Variants in AGBL3 observed in about 807,000 individuals in gnomAD.
AGBL3 encodes the protein AGBL carboxypeptidase 3, also known as cytosolic carboxypeptidase 3.
Under a neutral mutation model 94.5 loss-of-function variants are expected in AGBL3, and 68 were observed. The ratio of observed to expected loss-of-function variants is 0.72; its 90% CI spans 0.59 to 0.88. AGBL3 has a LOEUF of 0.88. Ranked by LOEUF, AGBL3 falls within the 40% of genes least tolerant of loss-of-function variation. AGBL3 has a pLI of 0.00. For missense variants in AGBL3, 934 were observed against 1,103.8 expected (o/e 0.85, Z 2.18); for synonymous variants, 354 against 370.7 (o/e 0.95, Z 0.52).
intron 16 of AGBL3, among the ~76,000 whole-genome samples, chr7:135,126,483 A>AACACTTTTCCCATCAAACT (rs1393120482): frequency 5.3e-5 from 8 of 152,354 alleles, no homozygotes; most frequent in Admixed American, 5.2e-4. Context: ...TTATAGATTC[A>AACACTTTTCCCATCAAACT]ACACTTTTCC....
chr7:135,030,728 TCCC>T (rs1815649491), intron 5 of AGBL3, among the ~76,000 whole-genome samples: 1 of 152,158 alleles, frequency 6.6e-6, no homozygotes, highest in Non-Finnish European at 1.5e-5. Context: ...TCTAGATACG[TCCC>T]CCCATGTCAC....
At chr7:135,089,068 CT>C (rs34089787) in intron 15 of AGBL3, among the ~76,000 whole-genome samples, 72,984 of 148,100 alleles carry the variant, frequency 0.49, 18,147 homozygotes, top group South Asian at 0.66. Context: ...GTTTTTCATT[CT>C]TTTTTTTTTT....
chr7:135,062,566 C>G (rs1205590101), intron 12 of AGBL3, among the ~76,000 whole-genome samples: 1 of 151,922 alleles, frequency 6.6e-6, no homozygotes, highest in African/African-American at 2.4e-5. Context: ...CATTTTTTAT[C>G]ATGAAAGGAT....
chr7:135,048,692 T>A (rs553375911), intron 11 of AGBL3, among the ~76,000 whole-genome samples: 1 of 151,768 alleles, frequency 6.6e-6, no homozygotes, highest in Non-Finnish European at 1.5e-5. Context: ...ACACAATGGA[T>A]TTTTGTATGC....
chr7:135,004,452 A>G (rs1448702675), intron 4 of AGBL3, among the ~76,000 whole-genome samples: 1 of 151,686 alleles, frequency 6.6e-6, no homozygotes, highest in African/African-American at 2.4e-5. Flanking sequence ...TCTTTGCTTT[A>G]GAGCAGTTTC....
chr7:135,013,699 A>G (rs1348902976), intron 4 of AGBL3, among the ~76,000 whole-genome samples: 2 of 151,776 alleles, frequency 1.3e-5, no homozygotes, highest in Non-Finnish European at 2.9e-5. Flanking sequence ...ACATTTTACA[A>G]TGGTAAGCCT....
rs141169723 is a variant in AGBL3 at position 135,004,732 on chromosome 7, T to C, written c.310+11054T>C. Among the ~76,000 whole-genome samples, 6 of 151,676 alleles carry C rather than the reference T, an allele frequency of 4.0e-5. No individual in the cohort carries two copies. The East Asian group carries it at 1.2e-3, about 29-fold the overall frequency. ...TAATTGCTAAAATTTCCTTTAAAGA[T>C]AGGAGATTTTTTTCCTTTGTCCTAA... On this transcript the variant is annotated intron_variant, in intron 4 of 16. Transcript: ENST00000436302.
At position 135,115,453 on chromosome 7, in the gene AGBL3, G is replaced by T; in HGVS notation, c.2184G>T (p.Trp728Cys). 1 of 1,551,270 alleles carries T rather than the reference G, an allele frequency of 6.4e-7. No homozygotes were observed. The highest frequency in any genetic ancestry group is 8.7e-7 in the Non-Finnish European group (1 of 1,146,736). ...AAAGCAAGAAGACTGGCATAAATTGGACAGATGATGAAAAAAGAAGCTACA... is the reference window on the plus strand; with the variant it reads ...AAAGCAAGAAGACTGGCATAAATTGTACAGATGATGAAAAAAGAAGCTACA... ...SFQSKKTGIN[W>C]TDDEKRSYKD... is the part of the protein sequence containing the mutation. The change falls in exon 16 of 17, where the codon TGG becomes TGT. Residue 728 changes from tryptophan to cysteine, a missense_variant. By Grantham distance (215) the Trp-to-Cys change is radical. Transcript: ENST00000436302.
At position 135,084,105 on chromosome 7, in the gene AGBL3, T is replaced by C. The variant is rs570227256; in HGVS notation, c.2110+2315T>C. ...TTACTCAAAATTTTTTCCTTTATTA[T>C]TTTTAATTGACATAATAATTGTACC... On this transcript the variant is annotated intron_variant, in intron 15 of 16. Coordinates refer to ENST00000436302, the MANE Select transcript of AGBL3 (RefSeq NM_178563.4). Among the ~76,000 whole-genome samples the C allele has an allele frequency of 2.6e-5, 4 of 152,236 alleles. No homozygotes were observed. The South Asian group carries it at 6.2e-4, about 24-fold the overall frequency.
intron 15 of AGBL3, among the ~76,000 whole-genome samples, chr7:135,086,013 A>C (rs1163953343): frequency 6.6e-6 from 1 of 151,922 alleles, no homozygotes; most frequent in East Asian, 1.9e-4. Context: ...AATTTTTTTC[A>C]TCAGTGTTGT....
chr7:135,071,033 G>C (rs7777249), intron 12 of AGBL3, among the ~76,000 whole-genome samples: 73,653 of 151,882 alleles, frequency 0.48, 18,222 homozygotes, highest in South Asian at 0.66. Flanking sequence ...CAAAGTCTCA[G>C]GATACAAAAT....
chr7:135,075,858 T>C (rs1358784702), intron 12 of AGBL3, among the ~76,000 whole-genome samples: 1 of 152,196 alleles, frequency 6.6e-6, no homozygotes, highest in African/African-American at 2.4e-5. Context: ...ACATGCTTAT[T>C]TGCCTGGCCC....
chr7:135,000,239 G>A, intron 4 of AGBL3, among the ~76,000 whole-genome samples: 1 of 152,218 alleles, frequency 6.6e-6, no homozygotes, highest in East Asian at 1.9e-4. Flanking sequence ...GTGTCAGCTT[G>A]ACTGGGCCAC....
intron 16 of AGBL3, among the ~76,000 whole-genome samples, chr7:135,132,596 C>T (rs1828927613): frequency 6.6e-6 from 1 of 152,116 alleles, no homozygotes; most frequent in Non-Finnish European, 1.5e-5. Context: ...TAATAATCCC[C>T]ACGTGTCAAG....
intron 15 of AGBL3, among the ~76,000 whole-genome samples, chr7:135,114,913 G>T (rs1461571268): frequency 6.6e-6 from 1 of 152,176 alleles, no homozygotes; most frequent in Non-Finnish European, 1.5e-5. Flanking sequence ...AACATGAGCT[G>T]AGTCCATGTT....
At chr7:135,100,865 T>C (rs1823728540) in intron 15 of AGBL3, among the ~76,000 whole-genome samples, 1 of 152,184 alleles carries the variant, frequency 6.6e-6, no homozygotes, top group South Asian at 2.1e-4. Context: ...CTTGAGCAAA[T>C]AGCTTAACCT....
At chr7:135,056,833 G>T (rs990757061) in intron 11 of AGBL3, among the ~76,000 whole-genome samples, 1 of 152,230 alleles carries the variant, frequency 6.6e-6, no homozygotes, top group African/African-American at 2.4e-5. Flanking sequence ...TTGACTCAAT[G>T]TAATTCCAAT....
In AGBL3 at chr7:135,115,582, T is replaced by C; in HGVS notation, c.2313T>C (p.Asn771=). ...CCACTCAGATAAAACAGCTATTCAA[T>C]CCAAGAACCAACTTCCAAATCCAAC... ...MQTTQIKQLF[N]PRTNFQIQHQ... The change falls in exon 16 of 17, where the codon AAT becomes AAC. Residue 771 remains asparagine (N), a synonymous_variant. Coordinates refer to ENST00000436302, the MANE Select transcript of AGBL3 (RefSeq NM_178563.4). The C allele has an allele frequency of 6.5e-7, 1 of 1,550,362 alleles. No homozygotes were observed. Among genetic ancestry groups the C allele is most frequent in the African/African-American group, 1.4e-5 (1 of 73,096 alleles).
At chr7:135,031,266 T>C (rs1815713870) in intron 5 of AGBL3, among the ~76,000 whole-genome samples, 1 of 152,130 alleles carries the variant, frequency 6.6e-6, no homozygotes, top group South Asian at 2.1e-4. Flanking sequence ...TATTTATTTA[T>C]TTATTTATTT....
Sources: gnomAD v4.1 joint callset for allele counts (sites outside exome capture counted in the v4.1 genomes callset) on GRCh38, gnomAD v4.1.1 for gene constraint, MANE v1.5 for transcripts, NCBI Gene and HGNC (gene_info 2026-07-23, HGNC 2026-07-21) for gene names.